CDH4: variants seen among roughly 807,000 people sequenced by gnomAD.
CDH4 encodes cadherin-4.
CDH4 carries 33 observed loss-of-function variants against 86.0 expected under a neutral mutation model. The ratio of observed to expected loss-of-function variants is 0.38; its 90% confidence interval spans 0.29 to 0.51. CDH4 has a LOEUF of 0.51. Among genes scored for constraint, CDH4 ranks in the 20% least tolerant of loss-of-function variants. The pLI is 0.86. For missense variants in CDH4, 1,114 were observed against 1,307.4 expected (o/e 0.85, Z 2.28); for synonymous variants, 555 against 549.4 (o/e 1.01, Z -0.14).
At chr20:61,568,685 C>T (rs1419700094) in intron 2 of CDH4, among the ~76,000 whole-genome samples, 1 of 152,214 alleles carries the variant, frequency 6.6e-6, no homozygotes, top group East Asian at 1.9e-4. Flanking sequence ...TGCTTCCCCA[C>T]CCAGCTCCAT....
chr20:61,903,030 A>G (rs1205330457), intron 8 of CDH4, among the ~76,000 whole-genome samples: 1 of 152,020 alleles, frequency 6.6e-6, no homozygotes, highest in East Asian at 1.9e-4. Context: ...AAAAAAAAAA[A>G]AAAAAAAAAA....
At position 61,807,677 on chromosome 20, in the gene CDH4, G is replaced by A. The variant is rs1770477577; in HGVS notation, c.576+34495G>A. Among the ~76,000 whole-genome samples the A allele has an allele frequency of 6.6e-6, 1 of 152,150 alleles. No individual in the cohort carries two copies. The highest frequency in any genetic ancestry group is 1.5e-5 in the Non-Finnish European group (1 of 68,032). On this transcript the variant is annotated intron_variant, in intron 4 of 15. Coordinates refer to ENST00000614565, the MANE Select transcript of CDH4 (RefSeq NM_001794.5). The surrounding 1 kb of genome is among the most constrained non-coding windows in gnomAD (Gnocchi z 4.5). ...AAACAGAAGATTGTGAGAACAGCTGGGGAACTGTGGACGGCTCTTCAGACT... is the reference window on the plus strand; with the variant it reads ...AAACAGAAGATTGTGAGAACAGCTGAGGAACTGTGGACGGCTCTTCAGACT...
At chr20:61,873,931 G>T in intron 7 of CDH4, 31 bp downstream of exon 7, 1 of 1,607,708 alleles carries the variant, frequency 6.2e-7, no homozygotes, top group Non-Finnish European at 8.5e-7. Flanking sequence ...CGTGCAGGCG[G>T]GTGAGCTCCT....
intron 2 of CDH4, among the ~76,000 whole-genome samples, chr20:61,574,203 G>C (rs2086365922): frequency 6.6e-6 from 1 of 152,238 alleles, no homozygotes. Context: ...CACACATATA[G>C]ATTCAAAAGA....
At chr20:61,262,358 T>C (rs1312737994) in intron 2 of CDH4, among the ~76,000 whole-genome samples, 8 of 152,028 alleles carry the variant, frequency 5.3e-5, no homozygotes, top group African/African-American at 1.9e-4. Context: ...CTTGAAACAG[T>C]CTGAAGATGT....
intron 2 of CDH4, among the ~76,000 whole-genome samples, chr20:61,570,985 C>T (rs915400105): frequency 6.6e-6 from 1 of 152,072 alleles, no homozygotes; most frequent in African/African-American, 2.4e-5. Context: ...CTGGAAGATT[C>T]GCCGCCTGTG....
At chr20:61,858,081 G>A (rs1403034563) in intron 6 of CDH4, among the ~76,000 whole-genome samples, 1 of 147,704 alleles carries the variant, frequency 6.8e-6, no homozygotes, top group Non-Finnish European at 1.5e-5. Context: ...ATGTCTCTGT[G>A]TGTGTCTCTG....
At position 61,681,052 on chromosome 20, in the gene CDH4, A is replaced by G. The variant is rs2087507173; in HGVS notation, c.170-62511A>G. ...GGTGACATTCCAGAAAGAAACATGT[A>G]GCTTCTCTAACATAATCCCTCTGTG... On this transcript the variant is annotated intron_variant, in intron 2 of 15. Coordinates refer to ENST00000614565, the MANE Select transcript of CDH4 (RefSeq NM_001794.5). The surrounding 1 kb of genome is among the most constrained non-coding windows in gnomAD (Gnocchi z 4.5). Among the ~76,000 whole-genome samples the G allele has an allele frequency of 6.6e-6, 1 of 152,198 alleles. No individual in the cohort carries two copies. Among genetic ancestry groups the G allele is most frequent in the African/African-American group, 2.4e-5 (1 of 41,436 alleles).
At chr20:61,920,033 G>T (rs2054953919) in intron 9 of CDH4, among the ~76,000 whole-genome samples, 1 of 121,924 alleles carries the variant, frequency 8.2e-6, no homozygotes, top group Non-Finnish European at 1.6e-5. Context: ...AGCGTGTCGT[G>T]ATTGTGTGGA....
At chr20:61,830,723 C>T (rs576406606) in intron 4 of CDH4, among the ~76,000 whole-genome samples, 72 of 152,394 alleles carry the variant, frequency 4.7e-4, no homozygotes, top group African/African-American at 1.6e-3. Context: ...CAGGCAGGCC[C>T]TGCAGAGCGG....
At chr20:61,459,067 C>T (rs1474159711) in intron 2 of CDH4, among the ~76,000 whole-genome samples, 1 of 151,788 alleles carries the variant, frequency 6.6e-6, no homozygotes, top group Admixed American at 6.6e-5. Flanking sequence ...TGGCTGTCTC[C>T]TTTTTTAGTC....
In CDH4 at chr20:61,451,139, C is replaced by T. The variant is rs186951369; in HGVS notation, c.169+196202C>T. ...CCTCTCACGCCCCCCCCCTTCCCTC[C>T]GTGTCATCCTGCCACCTGTGCATGT... On this transcript the variant is annotated intron_variant, in intron 2 of 15. Transcript: ENST00000614565. 9.4e-4 allele frequency among the ~76,000 whole-genome samples: 142 copies of T among 151,256 alleles called. 1 individual carries two copies. Among genetic ancestry groups the T allele is most frequent in the African/African-American group, 3.2e-3 (132 of 41,038 alleles).
chr20:61,645,892 C>G (rs1391450948), intron 2 of CDH4, among the ~76,000 whole-genome samples: 2 of 152,148 alleles, frequency 1.3e-5, no homozygotes, highest in Non-Finnish European at 2.9e-5. Context: ...GTCCTGCCCC[C>G]TCTTATAAGG....
chr20:61,495,902 C>CAA (rs72458954), intron 2 of CDH4, among the ~76,000 whole-genome samples: 1,335 of 58,012 alleles, frequency 0.023, 64 homozygotes, highest in African/African-American at 0.071. Flanking sequence ...GACTCCATCT[C>CAA]AAAAAAAAAA....
chr20:61,836,047 A>G (rs1981860068), intron 4 of CDH4, among the ~76,000 whole-genome samples: 1 of 152,192 alleles, frequency 6.6e-6, no homozygotes, highest in South Asian at 2.1e-4. Flanking sequence ...GGGCTCTGGC[A>G]TTGCAAGGAA....
At chr20:61,778,740 C>T (rs1978378436) in intron 4 of CDH4, among the ~76,000 whole-genome samples, 1 of 152,134 alleles carries the variant, frequency 6.6e-6, no homozygotes, top group East Asian at 1.9e-4. Context: ...TCACAGTTAC[C>T]GAACTGATTT....
intron 4 of CDH4, among the ~76,000 whole-genome samples, chr20:61,780,716 G>T (rs1568811722): frequency 6.6e-6 from 1 of 152,172 alleles, no homozygotes. Flanking sequence ...AGTTACTTGG[G>T]AGAAATGGAT....
At chr20:61,489,177 G>T (rs927749850) in intron 2 of CDH4, among the ~76,000 whole-genome samples, 1 of 152,126 alleles carries the variant, frequency 6.6e-6, no homozygotes, top group Non-Finnish European at 1.5e-5. Context: ...AGCTTTGCAT[G>T]TGACAGCTCC....
intron 4 of CDH4, among the ~76,000 whole-genome samples, chr20:61,795,986 T>C (rs1411037591): frequency 1.5e-4 from 23 of 152,094 alleles, no homozygotes; most frequent in Admixed American, 1.5e-3. Context: ...TGTGCTTACC[T>C]TAATCCATGC....
Sources: gnomAD v4.1 joint callset for allele counts (sites outside exome capture counted in the v4.1 genomes callset) on GRCh38, gnomAD v4.1.1 for gene constraint, Gnocchi (gnomAD v3.1) non-coding constraint, MANE v1.5 for transcripts, NCBI Gene and HGNC (gene_info 2026-07-23, HGNC 2026-07-21) for gene names.